The following CXADR variants were observed in gnomAD, a reference collection of about 807,000 sequenced individuals.
CXADR encodes CXADR cell adhesion molecule.
CXADR carries 20 observed loss-of-function variants against 40.3 expected under a neutral mutation model. The ratio of observed to expected loss-of-function variants is 0.50; its 90% CI spans 0.35 to 0.72. The LOEUF is 0.72. CXADR is among the 30% of genes least tolerant of loss of function. The pLI is 0.01. For synonymous variants in CXADR, 150 were observed against 161.3 expected (o/e 0.93, Z 0.53); for missense variants, 332 against 449.1 (o/e 0.74, Z 2.36).
At chr21:17,620,777 C>A in the CXADR span, among the ~76,000 whole-genome samples, 69 of 151,434 alleles carry the variant, frequency 4.6e-4, no homozygotes, top group Middle Eastern at 3.4e-3. Flanking sequence ...AGAGTCAGAA[C>A]CAATAGGAGG....
At chr21:17,584,721 C>G (rs1402981649) in intron 7 of CXADR, among the ~76,000 whole-genome samples, 1 of 152,166 alleles carries the variant, frequency 6.6e-6, no homozygotes, top group African/African-American at 2.4e-5. Flanking sequence ...ATCCCAGCTA[C>G]TCTGGAGGCT....
At chr21:17,555,212 A>C (rs2061019038) in intron 3 of CXADR, among the ~76,000 whole-genome samples, 1 of 152,184 alleles carries the variant, frequency 6.6e-6, no homozygotes, top group South Asian at 2.1e-4. Flanking sequence ...TGTTTTGAAG[A>C]GCAGAACATG....
chr21:17,579,371 G>A (rs1016425479), intron 7 of CXADR, among the ~76,000 whole-genome samples: 4 of 151,262 alleles, frequency 2.6e-5, no homozygotes, highest in East Asian at 2.0e-4. Context: ...TGCAACCTCC[G>A]TCTCCCAGGT....
At chr21:17,595,051 C>T (rs989934008), downstream of CXADR, among the ~76,000 whole-genome samples, 1 of 151,544 alleles carries the variant, frequency 6.6e-6, no homozygotes, top group Non-Finnish European at 1.5e-5. Context: ...TAGCACTGGT[C>T]TAATGAACAA....
At chr21:17,577,370 A>G (rs1443280032) in intron 7 of CXADR, among the ~76,000 whole-genome samples, 1 of 152,156 alleles carries the variant, frequency 6.6e-6, no homozygotes, top group Non-Finnish European at 1.5e-5. Context: ...AGTATTTCAT[A>G]TATATCCATT....
chr21:17,605,190 A>C, the CXADR span: 1 of 571,754 alleles, frequency 1.7e-6, no homozygotes, highest in African/African-American at 1.9e-5. Flanking sequence ...TGAAAAAAAG[A>C]TGGCACCTAT....
intron 7 of CXADR, among the ~76,000 whole-genome samples, chr21:17,587,254 A>G (rs1292036558): frequency 4.6e-5 from 7 of 152,178 alleles, no homozygotes; most frequent in Non-Finnish European, 1.0e-4. Context: ...GTATATACCC[A>G]GTAATGGGAT....
rs747606055 is a variant in CXADR, at chr21:17,560,807, G to A, written c.677G>A (p.Arg226His). Reference sequence around the variant, plus strand: ...GTGGGCTCTGATCAGTGCCTGTTGCGTCTAAACGTTGTCCCTCGTAAGTTA... The same window carrying A: ...GTGGGCTCTGATCAGTGCCTGTTGCATCTAAACGTTGTCCCTCGTAAGTTA... ...NRVGSDQCLL[R>H]LNVVPPSNKA... The change falls in exon 5 of 7, where the codon CGT (arginine) becomes CAT (histidine). Residue 226 changes from arginine to histidine, a missense_variant. Physicochemically the swap from Arg to His is conservative, Grantham distance 29. Coordinates refer to ENST00000284878, the MANE Select transcript of CXADR (RefSeq NM_001338.5). 42 of 1,613,422 alleles carry A rather than the reference G, an allele frequency of 2.6e-5. No individual in the cohort carries two copies. Among genetic ancestry groups the A allele is most frequent in the African/African-American group, 1.1e-4 (8 of 74,910 alleles).
intron 1 of CXADR, among the ~76,000 whole-genome samples, chr21:17,534,966 G>A (rs377318361): frequency 4.1e-4 from 63 of 151,856 alleles, no homozygotes; most frequent in African/African-American, 1.5e-3. Context: ...TGTGTTTTTA[G>A]TAGAGATGGG....
At position 17,568,229 on chromosome 21, in the gene CXADR, C is replaced by G. The variant is rs942233420; in HGVS notation, c.*2537C>G. On this transcript the variant is annotated 3_prime_UTR_variant, in exon 7 of 7. Transcript: ENST00000284878. ...CTGCAAGCTCCGCCTCCCAGGTTCA[C>G]GCCATTCTCCTGCCTCAGCCTCCCG... is the stretch of plus-strand genomic sequence containing the variant. 4 of 908,802 alleles carry G rather than the reference C, an allele frequency of 4.4e-6. No individual in the cohort carries two copies. The highest frequency in any genetic ancestry group is 5.2e-6 in the Non-Finnish European group (4 of 763,118). 56.3% of individuals were successfully genotyped at this position (908,802 alleles called of 1,614,324 possible).
chr21:17,598,610 T>C, the CXADR span: 2 of 1,612,868 alleles, frequency 1.2e-6, no homozygotes, highest in Non-Finnish European at 1.7e-6. Context: ...GCTGTTTTCA[T>C]GGTTACCTGG....
At chr21:17,557,702 A>C (rs557364263) in intron 3 of CXADR, among the ~76,000 whole-genome samples, 1 of 152,026 alleles carries the variant, frequency 6.6e-6, no homozygotes, top group African/African-American at 2.4e-5. Flanking sequence ...GCTGAATAAA[A>C]GAAGACAAGA....
At chr21:17,585,905 T>C (rs1272304232) in intron 7 of CXADR, among the ~76,000 whole-genome samples, 1 of 152,228 alleles carries the variant, frequency 6.6e-6, no homozygotes, top group Non-Finnish European at 1.5e-5. Flanking sequence ...AACTATGACA[T>C]AATTCATTAA....
intron 7 of CXADR, among the ~76,000 whole-genome samples, chr21:17,586,139 C>A (rs2061394037): frequency 6.6e-6 from 1 of 151,812 alleles, no homozygotes; most frequent in Non-Finnish European, 1.5e-5. Flanking sequence ...ATTTATAGTT[C>A]CCTCGTCATT....
intron 1 of CXADR, among the ~76,000 whole-genome samples, chr21:17,532,874 C>T (rs555699347): frequency 3.3e-5 from 5 of 152,112 alleles, no homozygotes; most frequent in Non-Finnish European, 5.9e-5. Flanking sequence ...CATCTAGTCA[C>T]GGAGAGGCTA....
At chr21:17,600,549 A>T in the CXADR span, among the ~76,000 whole-genome samples, 30 of 152,192 alleles carry the variant, frequency 2.0e-4, no homozygotes, top group Non-Finnish European at 3.8e-4. Flanking sequence ...GGCTGGGTGC[A>T]GTGGCTTACA....
At chr21:17,595,962 G>A (rs933413615), downstream of CXADR, among the ~76,000 whole-genome samples, 8 of 151,952 alleles carry the variant, frequency 5.3e-5, no homozygotes, top group Non-Finnish European at 1.2e-4. Context: ...CTTTTAAATT[G>A]TGCAGTTCTG....
chr21:17,587,099 T>C (rs1239400240), intron 7 of CXADR, among the ~76,000 whole-genome samples: 2 of 152,236 alleles, frequency 1.3e-5, no homozygotes, highest in African/African-American at 4.8e-5. Flanking sequence ...TAGTATCCCA[T>C]GGTGTATATG....
downstream of CXADR, among the ~76,000 whole-genome samples, chr21:17,574,685 G>A (rs950835831): frequency 6.6e-5 from 10 of 152,166 alleles, no homozygotes; most frequent in Admixed American, 6.5e-4. Context: ...AATAGATGAA[G>A]TCATCATGGT....
Sources: allele counts gnomAD v4.1 joint callset (sites outside exome capture counted in the v4.1 genomes callset), GRCh38; gene constraint gnomAD v4.1.1; transcripts MANE v1.5; gene names NCBI Gene and HGNC (gene_info 2026-07-23, HGNC 2026-07-21).